Variants in UBE2O observed in about 807,000 individuals in gnomAD.
UBE2O encodes the protein ubiquitin conjugating enzyme E2 O, also known as (E3-independent) E2 ubiquitin-conjugating enzyme.
A neutral mutation model predicts 125.8 loss-of-function variants in UBE2O; 15 were observed. That is an observed-to-expected ratio of 0.12 (90% confidence interval 0.08 to 0.18). The LOEUF is 0.18. UBE2O is among the 10% of genes least tolerant of loss of function. UBE2O has a pLI of 1.00. For synonymous variants in UBE2O, 708 were observed against 703.2 expected, an observed-to-expected ratio of 1.01 and a Z score of -0.11; for missense variants, 1,280 against 1,723.6, an observed-to-expected ratio of 0.74 and a Z score of 4.56.
chr17:76,423,177 G>T (rs983276703), intron 1 of UBE2O, among the ~76,000 whole-genome samples: 1 of 152,116 alleles, frequency 6.6e-6, no homozygotes, highest in African/African-American at 2.4e-5. Flanking sequence ...GGTAGGTGAG[G>T]GGGTGGATGT....
At chr17:76,394,114 C>T (rs954060393) in intron 15 of UBE2O, among the ~76,000 whole-genome samples, 2 of 152,266 alleles carry the variant, frequency 1.3e-5, no homozygotes, top group South Asian at 2.1e-4. Flanking sequence ...AGGACTCTGC[C>T]TAGCCCTGTT....
chr17:76,408,934 A>ACAACCT (rs2072469688), intron 1 of UBE2O, among the ~76,000 whole-genome samples: 1 of 152,030 alleles, frequency 6.6e-6, no homozygotes, highest in South Asian at 2.1e-4. Context: ...GAAATTCTAA[A>ACAACCT]CAACCTCAGA....
At chr17:76,449,467 C>A (rs1044752467) in intron 1 of UBE2O, among the ~76,000 whole-genome samples, 1 of 152,146 alleles carries the variant, frequency 6.6e-6, no homozygotes, top group Non-Finnish European at 1.5e-5. Context: ...CCCAGCTATG[C>A]GGGAGGCTGA....
chr17:76,448,132 T>C (rs1405298994), intron 1 of UBE2O, among the ~76,000 whole-genome samples: 10 of 152,162 alleles, frequency 6.6e-5, no homozygotes, highest in Admixed American at 4.6e-4. Context: ...CTGGGGAAAG[T>C]ACCCTTGAGT....
At chr17:76,432,702 A>G (rs979549445) in intron 1 of UBE2O, among the ~76,000 whole-genome samples, 2 of 152,206 alleles carry the variant, frequency 1.3e-5, no homozygotes, top group African/African-American at 4.8e-5. Context: ...ACTCCATGGG[A>G]GAGAGGGAAG....
intron 1 of UBE2O, among the ~76,000 whole-genome samples, chr17:76,407,086 C>T (rs977035963): frequency 4.6e-5 from 7 of 152,098 alleles, no homozygotes; most frequent in African/African-American, 1.4e-4. Flanking sequence ...CCACTCCTGC[C>T]GACATGTGGA....
At position 76,392,119 on chromosome 17, in the gene UBE2O, TAGGGAGGGAGGG is replaced by T; in HGVS notation, c.2947-18_2947-7del. On this transcript the variant is annotated splice_region_variant and splice_polypyrimidine_tract_variant and intron_variant, in intron 15 of 17. Transcript: ENST00000319380. ...ATGAGAGCTGAGAAGAGGTCCTAGG[TAGGGAGGGAGGG>T]AGGGAGGCCAAGGTTGGCAGGGGTG... The T allele has an allele frequency of 9.6e-7, 1 of 1,040,914 alleles. No individual in the cohort carries two copies. The highest frequency in any genetic ancestry group is 1.3e-6 in the Non-Finnish European group (1 of 755,868). The allele number at this position is 1,040,914 out of a possible 1,614,324, so 64.5% of individuals were successfully genotyped here.
chr17:76,390,785 C>G lies in UBE2O; in HGVS notation c.*158G>C. The G allele has an allele frequency of 1.5e-6, 1 of 686,516 alleles. No homozygotes were observed. Among genetic ancestry groups the G allele is most frequent in the South Asian group, 2.2e-5 (1 of 45,450 alleles). The allele number at this position is 686,516 out of a possible 1,614,324, so 42.5% of individuals were successfully genotyped here. A position where few individuals can be genotyped will look rare whatever the true frequency, so the allele number is the denominator to read the frequency against. ...ATAGAAACGGCAGCATCTCAACACACTTCTTGCACTTCAGCATCAAACTCA... is the reference window on the plus strand; with the variant it reads ...ATAGAAACGGCAGCATCTCAACACAGTTCTTGCACTTCAGCATCAAACTCA... On this transcript the variant is annotated 3_prime_UTR_variant, in exon 18 of 18. Transcript: ENST00000319380.
rs1365926810 is a variant in UBE2O at position 76,418,601 on chromosome 17, G to A, written c.418-13029C>T. Among the ~76,000 whole-genome samples, 81 of 148,708 alleles carry A rather than the reference G, an allele frequency of 5.4e-4. No homozygotes were observed. The Middle Eastern group carries it at 0.01, about 19-fold the overall frequency. On this transcript the variant is annotated intron_variant, in intron 1 of 17. Transcript: ENST00000319380. ...TTTTTTTTTTTTGAGACGGAGTCTC[G>A]CTCTGTCACCCAGGCTGGAGTGCAG...
At chr17:76,434,748 G>A (rs1485826427) in intron 1 of UBE2O, among the ~76,000 whole-genome samples, 1 of 144,646 alleles carries the variant, frequency 6.9e-6, no homozygotes, top group East Asian at 2.1e-4. Flanking sequence ...CACCTGCGAT[G>A]TTCTGGAAAT....
In UBE2O at chr17:76,399,832, T is replaced by C. The variant is rs1391818464; in HGVS notation, c.1245A>G (p.Pro415=). The part of the protein sequence containing the change: ...QCSRDHSMED[P]DKKGESKTKS... ...TGGTTTTGGATTCCCCCTTCTTGTC[T>C]GGGTCTTCCATGGAATGGTCCCGGG... Residue 415 remains proline (P), a synonymous_variant, in exon 9 of 18, where the codon CCA becomes CCG. Coordinates refer to ENST00000319380, the MANE Select transcript of UBE2O (RefSeq NM_022066.4). This position sits in a 1 kb window ranked among gnomAD's most constrained non-coding sequence, Gnocchi z 6.9. 1 of 1,614,056 alleles carries C rather than the reference T, an allele frequency of 6.2e-7. No homozygotes were observed. The highest frequency in any genetic ancestry group is 2.2e-5 in the East Asian group (1 of 44,884).
intron 1 of UBE2O, among the ~76,000 whole-genome samples, chr17:76,409,435 C>T (rs1010541804): frequency 3.4e-5 from 5 of 148,076 alleles, no homozygotes; most frequent in African/African-American, 1.0e-4. Flanking sequence ...CTCGCTTTGT[C>T]GCCCAGGTTG....
chr17:76,445,019 C>A (rs887535048), intron 1 of UBE2O, among the ~76,000 whole-genome samples: 4 of 152,146 alleles, frequency 2.6e-5, no homozygotes, highest in African/African-American at 4.8e-5. Context: ...CTTCAACTGC[C>A]CTCTTCCAGA....
rs151077191 is a variant in UBE2O, at chr17:76,440,754, T to C, written c.417+11971A>G. Among the ~76,000 whole-genome samples, 214 of 152,390 alleles carry C rather than the reference T, an allele frequency of 1.4e-3. 1 individual carries two copies. The highest frequency in any genetic ancestry group is 4.7e-3 in the African/African-American group (196 of 41,592). ...CTACTGCCTGTTTCTTAAAATTTTATTGGAACATGACCATGCCCATTCATT... is the reference window on the plus strand; with the variant it reads ...CTACTGCCTGTTTCTTAAAATTTTACTGGAACATGACCATGCCCATTCATT... On this transcript the variant is annotated intron_variant, in intron 1 of 17. Transcript: ENST00000319380.
rs2072270224 is a variant in UBE2O at position 76,399,139 on chromosome 17, G to A, written c.1629-148C>T. Reference sequence around the variant, plus strand: ...TGGCAGGATGAGTCTCTGGTGCACAGGAAGCTCACCCAGGGTTCCAAGGCC... The same window carrying A: ...TGGCAGGATGAGTCTCTGGTGCACAAGAAGCTCACCCAGGGTTCCAAGGCC... On this transcript the variant is annotated intron_variant, in intron 9 of 17. Coordinates refer to ENST00000319380, the MANE Select transcript of UBE2O (RefSeq NM_022066.4). The surrounding 1 kb of genome is among the most constrained non-coding windows in gnomAD (Gnocchi z 6.9). 1.8e-6 allele frequency: 2 copies of A among 1,106,276 alleles called. No homozygotes were observed. The highest frequency in any genetic ancestry group is 1.6e-5 in the South Asian group (1 of 63,126). The allele number at this position is 1,106,276 out of a possible 1,614,324, so 68.5% of individuals were successfully genotyped here.
In UBE2O at chr17:76,399,053, G is replaced by C. The variant is rs2072268766; in HGVS notation, c.1629-62C>G. 1.9e-6 allele frequency: 3 copies of C among 1,575,384 alleles called. No homozygotes were observed. In the Admixed American group the frequency reaches 5.2e-5, roughly 27 times the overall value. ...CCACCCCCTCCGCGGAAAGGGCAGA[G>C]AGTCTTTCTGTCCCTTCCTGTCCCT... On this transcript the variant is annotated intron_variant, in intron 9 of 17. Transcript: ENST00000319380. The surrounding 1 kb of genome is among the most constrained non-coding windows in gnomAD (Gnocchi z 6.9).
At chr17:76,408,143 T>C (rs988117742) in intron 1 of UBE2O, among the ~76,000 whole-genome samples, 1 of 152,208 alleles carries the variant, frequency 6.6e-6, no homozygotes, top group Non-Finnish European at 1.5e-5. Flanking sequence ...GCCACTCCAC[T>C]GAACAGTTAC....
At chr17:76,439,509 T>G (rs1412892940) in intron 1 of UBE2O, among the ~76,000 whole-genome samples, 1 of 152,254 alleles carries the variant, frequency 6.6e-6, no homozygotes, top group Non-Finnish European at 1.5e-5. Context: ...TGATGTGTGA[T>G]GACGTCACTG....
In UBE2O at chr17:76,437,653, G is replaced by A. The variant is rs1283959564; in HGVS notation, c.417+15072C>T. Among the ~76,000 whole-genome samples the A allele has an allele frequency of 2.0e-5, 3 of 152,004 alleles. No homozygotes were observed. The South Asian group carries it at 6.2e-4, about 32-fold the overall frequency. On this transcript the variant is annotated intron_variant, in intron 1 of 17. Transcript: ENST00000319380. The stretch of plus-strand genomic sequence containing the variant: ...TGGCCTTGAACTCCTGGACCCAAGC[G>A]ATCCTCCCTCTGGCCTCAACCTCCT...
Sources: allele counts gnomAD v4.1 joint callset (sites outside exome capture counted in the v4.1 genomes callset), GRCh38; gene constraint gnomAD v4.1.1; non-coding constraint Gnocchi (gnomAD v3.1); transcripts MANE v1.5; gene names NCBI Gene and HGNC (gene_info 2026-07-23, HGNC 2026-07-21).